The following LEPR variants were observed in gnomAD, a reference collection of about 807,000 sequenced individuals.
The protein encoded by LEPR is leptin receptor, also known as OB receptor.
LEPR carries 56 observed loss-of-function variants against 114.7 expected under a neutral mutation model. That is an observed-to-expected ratio of 0.49 (90% CI 0.39 to 0.61). The LOEUF (loss-of-function observed/expected upper bound fraction) is 0.61, where lower values mean the gene tolerates loss of function less well. Among genes scored for constraint, LEPR ranks in the 20% least tolerant of loss-of-function variants. The pLI is 0.00. For synonymous variants in LEPR, 443 were observed against 461.4 expected (o/e 0.96, Z 0.51); for missense variants, 1,202 against 1,352.9 (o/e 0.89, Z 1.75).
chr1:65,452,887 C>T (rs1233422735), intron 2 of LEPR, among the ~76,000 whole-genome samples: 5 of 152,080 alleles, frequency 3.3e-5, no homozygotes, highest in Admixed American at 1.3e-4. Context: ...TGGTAGAATT[C>T]GGCTGTGAAT....
intron 2 of LEPR, among the ~76,000 whole-genome samples, chr1:65,529,608 C>T (rs980551886): frequency 6.6e-6 from 1 of 151,972 alleles, no homozygotes. Context: ...CAATTATTCT[C>T]TTCACACTGT....
chr1:65,616,258 T>A, intron 15 of LEPR, 34 bp downstream of exon 15: 1 of 1,597,072 alleles, frequency 6.3e-7, no homozygotes, highest in Non-Finnish European at 8.6e-7. Context: ...ATCCATTGCC[T>A]CTTTTAATAT....
chr1:65,515,004 G>T (rs914674763), intron 2 of LEPR, among the ~76,000 whole-genome samples: 16 of 152,236 alleles, frequency 1.1e-4, no homozygotes, highest in Admixed American at 2.0e-4. Context: ...ATTTATAAAC[G>T]ATCATAGACC....
chr1:65,590,243 T>TAA (rs150150250), intron 5 of LEPR, among the ~76,000 whole-genome samples: 1,847 of 55,106 alleles, frequency 0.034, 226 homozygotes, highest in East Asian at 0.072. Flanking sequence ...TTCAGTATCA[T>TAA]AAAATTATTC....
chr1:65,610,039 G>T lies in LEPR; in HGVS notation c.1845G>T (p.Arg615Ser). 3.1e-6 allele frequency: 5 copies of T among 1,614,224 alleles called. No homozygotes were observed. The highest frequency in any genetic ancestry group is 4.2e-6 in the Non-Finnish European group (5 of 1,180,026). ...AVYAVQVRCK[R>S]LDGLGYWSNW... is the part of the protein sequence containing the mutation. ...ATGCTGTTCAGGTGCGCTGTAAGAG[G>T]CTAGATGGACTGGGATATTGGAGTA... Residue 615 changes from arginine to serine, a missense_variant, in exon 13 of 20, where the codon AGG becomes AGT. Physicochemically the swap from Arg to Ser is moderately radical, Grantham distance 110 (BLOSUM62 -1). Coordinates refer to ENST00000349533, the MANE Select transcript of LEPR (RefSeq NM_002303.6).
chr1:65,567,231 A>G (rs776026989), intron 3 of LEPR, among the ~76,000 whole-genome samples: 1 of 152,226 alleles, frequency 6.6e-6, no homozygotes, highest in Non-Finnish European at 1.5e-5. Flanking sequence ...TAACTGCATC[A>G]ATAGTTGCTA....
At chr1:65,467,062 C>T (rs114551222) in intron 2 of LEPR, among the ~76,000 whole-genome samples, 11,235 of 152,108 alleles carry the variant, frequency 0.074, 508 homozygotes, top group African/African-American at 0.12. Flanking sequence ...TCGTCCAGTT[C>T]GTTTCCTTGC....
At chr1:65,513,826 G>A (rs1649153313) in intron 2 of LEPR, among the ~76,000 whole-genome samples, 1 of 152,230 alleles carries the variant, frequency 6.6e-6, no homozygotes, top group Admixed American at 6.5e-5. Flanking sequence ...TAATATTCTA[G>A]GAGTTATTTC....
chr1:65,610,291 T>A lies in LEPR; in HGVS notation c.1990T>A (p.Trp664Arg), dbSNP rs757012788. 1.1e-5 allele frequency: 17 copies of A among 1,609,794 alleles called. No individual in the cohort carries two copies. The highest frequency in any genetic ancestry group is 1.3e-5 in the African/African-American group (1 of 74,838). The change falls in exon 14 of 20, where the codon TGG becomes AGG. Residue 664 changes from tryptophan to arginine, a missense_variant. Physicochemically the swap from Trp to Arg is moderately radical, Grantham distance 101 (BLOSUM62 -3). Transcript: ENST00000349533. Reference protein sequence around the residue: ...MKKEKNVTLLWKPLMKNDSLC... With the variant: ...MKKEKNVTLLRKPLMKNDSLC... ...AAAGGAGAAAAATGTCACTTTACTT[T>A]GGAAGGTATTCCCAATTTTAATATT...
chr1:65,625,522 A>G (rs950083420), intron 19 of LEPR, among the ~76,000 whole-genome samples: 1 of 152,124 alleles, frequency 6.6e-6, no homozygotes, highest in Non-Finnish European at 1.5e-5. Flanking sequence ...GGGGCACATG[A>G]GAAATTTTGT....
intron 16 of LEPR, among the ~76,000 whole-genome samples, chr1:65,618,475 A>G: frequency 6.6e-6 from 1 of 151,414 alleles, no homozygotes; most frequent in East Asian, 1.9e-4. Flanking sequence ...ATAGACACAC[A>G]CCATCACACC....
intron 2 of LEPR, among the ~76,000 whole-genome samples, chr1:65,447,890 T>A (rs1570465642): frequency 1.3e-5 from 2 of 152,368 alleles, no homozygotes; most frequent in African/African-American, 4.8e-5. Flanking sequence ...TTAATCTTGC[T>A]CTAGTTACTT....
At chr1:65,557,500 A>T (rs1291507538) in intron 2 of LEPR, among the ~76,000 whole-genome samples, 1 of 152,094 alleles carries the variant, frequency 6.6e-6, no homozygotes, top group Non-Finnish European at 1.5e-5. Context: ...GCTCACTGCA[A>T]CCTTCACCTC....
In LEPR at chr1:65,484,073, T is replaced by A. The variant is rs150520396; in HGVS notation, c.-21+58695T>A. On this transcript the variant is annotated intron_variant, in intron 2 of 19. Coordinates refer to ENST00000349533, the MANE Select transcript of LEPR (RefSeq NM_002303.6). ...GGTCTTGTTACATTGCCCAGGCTGG[T>A]CTCGAACCCCTAGCTTCAAGAGATC... 3.9e-5 allele frequency among the ~76,000 whole-genome samples: 6 copies of A among 152,144 alleles called. No individual in the cohort carries two copies. In the East Asian group the frequency reaches 1.2e-3, roughly 29 times the overall value.
At chr1:65,497,330 C>T (rs1477319686) in intron 2 of LEPR, among the ~76,000 whole-genome samples, 1 of 152,112 alleles carries the variant, frequency 6.6e-6, no homozygotes, top group Non-Finnish European at 1.5e-5. Flanking sequence ...TCTTTGGTCT[C>T]AACTGGGTTT....
intron 2 of LEPR, among the ~76,000 whole-genome samples, chr1:65,505,871 C>T (rs537762841): frequency 1.3e-5 from 2 of 151,842 alleles, no homozygotes; most frequent in East Asian, 3.9e-4. Flanking sequence ...TGCAATTAGT[C>T]TATCATTGTC....
intron 2 of LEPR, chr1:65,526,240 A>C (rs1649958886): frequency 1.0e-6 from 1 of 985,316 alleles, no homozygotes; most frequent in Non-Finnish European, 1.2e-6. Context: ...TGACAAGAGA[A>C]AAAATAATTG....
At chr1:65,541,487 C>A (rs1029205821) in intron 2 of LEPR, among the ~76,000 whole-genome samples, 1 of 150,492 alleles carries the variant, frequency 6.6e-6, no homozygotes, top group East Asian at 1.9e-4. Context: ...TTCCAAGTGA[C>A]AAATATTTAT....
At chr1:65,425,257 C>T (rs1646337776) in intron 1 of LEPR, 46 bp from the exon 2 acceptor site, 1 of 1,554,924 alleles carries the variant, frequency 6.4e-7, no homozygotes, top group African/African-American at 1.4e-5. Flanking sequence ...TAGTGCCTGA[C>T]AACCTCTACT....
Sources: allele counts gnomAD v4.1 joint callset (sites outside exome capture counted in the v4.1 genomes callset), GRCh38; gene constraint gnomAD v4.1.1; transcripts MANE v1.5; gene names NCBI Gene and HGNC (gene_info 2026-07-23, HGNC 2026-07-21).